The following DNAJC11 variants were observed in gnomAD, a reference collection of about 807,000 sequenced individuals.
The protein encoded by DNAJC11 is DnaJ heat shock protein family (Hsp40) member C11, also known as dnaJ homolog subfamily C member 11.
Under a neutral mutation model 78.6 loss-of-function variants are expected in DNAJC11, and 15 were observed. The observed-to-expected ratio is 0.19, with a 90% CI of 0.13 to 0.29. DNAJC11 has a LOEUF of 0.29. DNAJC11 is among the 10% of genes least tolerant of loss of function. DNAJC11 has a pLI of 1.00. For missense variants in DNAJC11, 547 were observed against 709.6 expected (o/e 0.77, Z 2.60); for synonymous variants, 292 against 272.1 (o/e 1.07, Z -0.72).
intron 2 of DNAJC11, among the ~76,000 whole-genome samples, chr1:6,678,679 G>T (rs186922352): frequency 6.6e-6 from 1 of 152,210 alleles, no homozygotes; most frequent in East Asian, 1.9e-4. Context: ...GACTGACAGG[G>T]TCCTTCTCTG....
intron 1 of DNAJC11, among the ~76,000 whole-genome samples, chr1:6,695,922 C>G (rs1310901506): frequency 1.3e-5 from 2 of 152,150 alleles, no homozygotes; most frequent in African/African-American, 4.8e-5. Context: ...CAAAGCCCTA[C>G]ATAGTGGCCT....
chr1:6,654,333 G>A (rs1266788245), intron 4 of DNAJC11: 2 of 278,554 alleles, frequency 7.2e-6, no homozygotes, highest in Non-Finnish European at 1.4e-5. Flanking sequence ...AGTCAAAGGA[G>A]TAAGAGCTAG....
At chr1:6,677,985 G>C (rs972219199) in intron 3 of DNAJC11, among the ~76,000 whole-genome samples, 2 of 152,182 alleles carry the variant, frequency 1.3e-5, no homozygotes, top group South Asian at 2.1e-4. Context: ...CAATTATTCA[G>C]AACTGAGGTG....
chr1:6,654,043 G>A lies in DNAJC11; in HGVS notation c.379-4C>T. 6.2e-7 allele frequency: 1 copy of A among 1,611,724 alleles called. No individual in the cohort carries two copies. The highest frequency in any genetic ancestry group is 8.5e-7 in the Non-Finnish European group (1 of 1,178,260). ...CTACTCCAACGCTGATCGTTCCCTG[G>A]GGCAGAAAAACAAGCCGTCAGCAGA... On this transcript the variant is annotated splice_polypyrimidine_tract_variant and splice_region_variant and intron_variant, in intron 4 of 15. Coordinates refer to ENST00000377577, the MANE Select transcript of DNAJC11 (RefSeq NM_018198.4).
In DNAJC11 at chr1:6,648,106, G is replaced by A. The variant is rs960755732; in HGVS notation, c.705-2128C>T. ...TGTGACCTTAAGAATCACCTGGGGC[G>A]CTTGAAACACCTAGATTCCCAGTCC... On this transcript the variant is annotated intron_variant, in intron 7 of 15. Transcript: ENST00000377577. Among the ~76,000 whole-genome samples, 12 of 152,268 alleles carry A rather than the reference G, an allele frequency of 7.9e-5. No individual in the cohort carries two copies. The East Asian group carries it at 1.2e-3, about 15-fold the overall frequency.
At chr1:6,684,077 C>A (rs1040985212) in intron 1 of DNAJC11, among the ~76,000 whole-genome samples, 9 of 151,322 alleles carry the variant, frequency 5.9e-5, no homozygotes, top group African/African-American at 2.2e-4. Context: ...CATTACAAAT[C>A]ATTTTCTTTT....
At chr1:6,685,572 C>T (rs1332728222) in intron 1 of DNAJC11, among the ~76,000 whole-genome samples, 2 of 152,174 alleles carry the variant, frequency 1.3e-5, no homozygotes, top group African/African-American at 4.8e-5. Flanking sequence ...TCAATCCGAG[C>T]TCCTCTGCCC....
At chr1:6,639,818 G>A in intron 11 of DNAJC11, 84 bp downstream of exon 11, 2 of 1,452,406 alleles carry the variant, frequency 1.4e-6, no homozygotes, top group Non-Finnish European at 1.8e-6. Context: ...CGACGCAGGA[G>A]GCTCTGTTAT....
chr1:6,677,165 AAAAAAAAAAC>A (rs1421213155), intron 3 of DNAJC11, among the ~76,000 whole-genome samples: 1 of 151,310 alleles, frequency 6.6e-6, no homozygotes, highest in Non-Finnish European at 1.5e-5. Flanking sequence ...TCTCAAAAAA[AAAAAAAAAAC>A]AAAAAAAACG....
At chr1:6,665,354 C>G (rs112035671) in intron 4 of DNAJC11, among the ~76,000 whole-genome samples, 1 of 152,176 alleles carries the variant, frequency 6.6e-6, no homozygotes, top group African/African-American at 2.4e-5. Flanking sequence ...CAGGCATGCA[C>G]CACCACGCCC....
Position 6,654,054 on chromosome 1 carries a change from C to G in DNAJC11, c.379-15G>C, listed in dbSNP as rs769122341. On this transcript the variant is annotated splice_polypyrimidine_tract_variant and intron_variant, in intron 4 of 15. Transcript: ENST00000377577. ...CTGATCGTTCCCTGGGGCAGAAAAA[C>G]AAGCCGTCAGCAGAACGGGTGGTAT... is the stretch of plus-strand genomic sequence containing the variant. 12 of 1,610,926 alleles carry G rather than the reference C, an allele frequency of 7.4e-6. No homozygotes were observed. The highest frequency in any genetic ancestry group is 9.3e-6 in the Non-Finnish European group (11 of 1,177,670).
At chr1:6,655,242 G>GT (rs1017438469) in intron 4 of DNAJC11, among the ~76,000 whole-genome samples, 1 of 152,168 alleles carries the variant, frequency 6.6e-6, no homozygotes, top group African/African-American at 2.4e-5. Context: ...AAACGTGTTT[G>GT]TTTTTGCGGT....
At chr1:6,641,465 AAAAAT>A (rs1641876954) in intron 10 of DNAJC11, among the ~76,000 whole-genome samples, 1 of 132,824 alleles carries the variant, frequency 7.5e-6, no homozygotes, top group East Asian at 2.4e-4. Flanking sequence ...AATGGGTAAA[AAAAAT>A]AAATAGTAAG....
intron 10 of DNAJC11, among the ~76,000 whole-genome samples, chr1:6,640,669 C>T (rs1641861433): frequency 6.6e-6 from 1 of 151,442 alleles, no homozygotes; most frequent in South Asian, 2.1e-4. Flanking sequence ...TCATCTCTAC[C>T]AAAAATACAA....
At position 6,636,272 on chromosome 1, in the gene DNAJC11, A is replaced by G. The variant is rs770509348; in HGVS notation, c.1525-26T>C. ...CTGTAACAAACAAATTGCTACTCTC[A>G]ATACTCCAGACGGTCTAAGACCAGC... On this transcript the variant is annotated intron_variant, in intron 14 of 15. Transcript: ENST00000377577. 3.1e-6 allele frequency: 5 copies of G among 1,612,270 alleles called. No individual in the cohort carries two copies. In the Admixed American group the frequency reaches 6.7e-5, roughly 22 times the overall value.
At chr1:6,673,880 C>T (rs1340332401) in intron 3 of DNAJC11, among the ~76,000 whole-genome samples, 2 of 152,076 alleles carry the variant, frequency 1.3e-5, no homozygotes, top group East Asian at 1.9e-4. Context: ...ACTATAAAAC[C>T]GATGTCAGAG....
chr1:6,694,494 G>A (rs1642800968), intron 1 of DNAJC11, among the ~76,000 whole-genome samples: 1 of 152,142 alleles, frequency 6.6e-6, no homozygotes, highest in Admixed American at 6.6e-5. Context: ...CGGTACAGCA[G>A]GACATCGTGC....
chr1:6,637,949 C>G (rs574107642), intron 12 of DNAJC11: 3 of 387,416 alleles, frequency 7.7e-6, no homozygotes, highest in African/African-American at 6.1e-5. Context: ...CTCAGACAGG[C>G]ATGTGCTCGC....
chr1:6,649,433 T>G lies in DNAJC11; in HGVS notation c.704+2096A>C, dbSNP rs190019361. On this transcript the variant is annotated intron_variant, in intron 7 of 15. Coordinates refer to ENST00000377577, the MANE Select transcript of DNAJC11 (RefSeq NM_018198.4). ...ATCCACCCGCCTCGGCCTCCTAAAGTGCTGGGATTAGAGGCATGAGCCACC... is the reference window on the plus strand; with the variant it reads ...ATCCACCCGCCTCGGCCTCCTAAAGGGCTGGGATTAGAGGCATGAGCCACC... Among the ~76,000 whole-genome samples the G allele has an allele frequency of 4.2e-3, 643 of 152,176 alleles. 4 individuals are homozygous for G. The highest frequency in any genetic ancestry group is 0.015 in the African/African-American group (619 of 41,518).
Sources: allele counts gnomAD v4.1 joint callset (sites outside exome capture counted in the v4.1 genomes callset), GRCh38; gene constraint gnomAD v4.1.1; transcripts MANE v1.5; gene names NCBI Gene and HGNC (gene_info 2026-07-23, HGNC 2026-07-21).